Variants in MCC observed in about 807,000 individuals in gnomAD.
MCC encodes colorectal mutant cancer protein.
In MCC, 90 loss-of-function variants were observed where a neutral mutation model predicts 116.2. The observed-to-expected ratio is 0.77, with a 90% confidence interval of 0.65 to 0.92. The LOEUF (loss-of-function observed/expected upper bound fraction) is 0.92, where lower values mean the gene tolerates loss of function less well. Ranked by LOEUF, MCC falls within the 40% of genes least tolerant of loss-of-function variation. The probability of loss-of-function intolerance (pLI) is 0.00; values close to 1 mark genes in which losing one functional copy is unlikely to be tolerated. For missense variants in MCC, 1,516 were observed against 1,312.2 expected, an observed-to-expected ratio of 1.16 and a Z score of -2.40; for synonymous variants, 578 against 510.5, an observed-to-expected ratio of 1.13 and a Z score of -1.78.
At chr5:113,084,064 C>G in intron 10 of MCC, 37 bp downstream of exon 10, 1 of 1,516,608 alleles carries the variant, frequency 6.6e-7, no homozygotes, top group Non-Finnish European at 9.2e-7. Context: ...GTAGCTCTGC[C>G]GGGTACTTTC....
At chr5:113,152,259 G>A (rs1437645298) in intron 3 of MCC, among the ~76,000 whole-genome samples, 1 of 152,150 alleles carries the variant, frequency 6.6e-6, no homozygotes, top group Non-Finnish European at 1.5e-5. Context: ...GACTTTGGCT[G>A]CACACACACC....
chr5:113,298,463 G>A (rs1303012603), intron 3 of MCC, among the ~76,000 whole-genome samples: 4 of 152,224 alleles, frequency 2.6e-5, no homozygotes, highest in Non-Finnish European at 5.9e-5. Context: ...GAAACTGGGG[G>A]TAGTGACCAT....
chr5:113,164,980 G>A (rs1000355077), intron 3 of MCC, among the ~76,000 whole-genome samples: 4 of 152,190 alleles, frequency 2.6e-5, no homozygotes, highest in Non-Finnish European at 5.9e-5. Context: ...CCAAAAAGGC[G>A]CTGTTCTACC....
At chr5:113,333,975 ACTTT>A (rs1292404079) in intron 3 of MCC, among the ~76,000 whole-genome samples, 7 of 143,512 alleles carry the variant, frequency 4.9e-5, no homozygotes, top group Non-Finnish European at 9.0e-5. Flanking sequence ...CTTTTCATCA[ACTTT>A]CTGTTATGCA....
chr5:113,406,516 C>A (rs539514132), intron 1 of MCC, among the ~76,000 whole-genome samples: 1 of 152,166 alleles, frequency 6.6e-6, no homozygotes, highest in Non-Finnish European at 1.5e-5. Flanking sequence ...TCCTGGTCCT[C>A]TGCCCTCTCC....
intron 17 of MCC, among the ~76,000 whole-genome samples, chr5:113,033,142 G>C (rs982737102): frequency 6.6e-6 from 1 of 152,154 alleles, no homozygotes; most frequent in African/African-American, 2.4e-5. Flanking sequence ...GGTCTGGATC[G>C]GTAATATTTT....
chr5:113,083,496 C>G (rs1316158970), intron 10 of MCC, among the ~76,000 whole-genome samples: 1 of 152,198 alleles, frequency 6.6e-6, no homozygotes, highest in Non-Finnish European at 1.5e-5. Context: ...GCTATTCAGG[C>G]TCTCTCTGCC....
At chr5:113,474,424 G>A (rs543791224) in intron 1 of MCC, among the ~76,000 whole-genome samples, 3 of 152,318 alleles carry the variant, frequency 2.0e-5, no homozygotes, top group East Asian at 1.9e-4. Flanking sequence ...GCACAGCACC[G>A]ATGCTTGGAG....
intron 3 of MCC, among the ~76,000 whole-genome samples, chr5:113,275,996 G>A (rs1765811115): frequency 6.9e-6 from 1 of 144,966 alleles, no homozygotes; most frequent in African/African-American, 2.6e-5. Context: ...TTTTAAGCAG[G>A]CCAACCCCAA....
At chr5:113,317,906 C>T (rs1345635412) in intron 3 of MCC, among the ~76,000 whole-genome samples, 3 of 152,108 alleles carry the variant, frequency 2.0e-5, no homozygotes, top group Non-Finnish European at 4.4e-5. Context: ...TAATTACAGC[C>T]GTCATAATTA....
intron 3 of MCC, among the ~76,000 whole-genome samples, chr5:113,327,834 A>C (rs1180162162): frequency 6.6e-6 from 1 of 151,264 alleles, no homozygotes; most frequent in Admixed American, 6.6e-5. Flanking sequence ...AAGCACAATT[A>C]CTTTTGCACC....
intron 8 of MCC, among the ~76,000 whole-genome samples, chr5:113,092,577 C>G (rs1241827553): frequency 1.3e-5 from 2 of 152,100 alleles, no homozygotes. Context: ...AAATAAAGAC[C>G]CTCTCAAAGA....
At chr5:113,061,470 C>G (rs1753213264) in intron 14 of MCC, among the ~76,000 whole-genome samples, 1 of 152,180 alleles carries the variant, frequency 6.6e-6, no homozygotes, top group Admixed American at 6.5e-5. Flanking sequence ...ATAAAGCCAT[C>G]CAGGCAATCA....
intron 3 of MCC, among the ~76,000 whole-genome samples, chr5:113,256,228 G>A (rs1344516948): frequency 6.6e-6 from 1 of 152,102 alleles, no homozygotes; most frequent in Non-Finnish European, 1.5e-5. Context: ...GGAGAGGTAG[G>A]TAACACCACT....
intron 3 of MCC, among the ~76,000 whole-genome samples, chr5:113,195,080 G>C (rs1377883292): frequency 6.6e-6 from 1 of 152,180 alleles, no homozygotes. Flanking sequence ...CCAGTGCACA[G>C]TGTGGACTAA....
intron 14 of MCC, among the ~76,000 whole-genome samples, chr5:113,056,957 CAG>C (rs1007442369): frequency 6.6e-6 from 1 of 152,068 alleles, no homozygotes; most frequent in African/African-American, 2.4e-5. Context: ...GTGGGGAATG[CAG>C]AGTGGGCATG....
intron 1 of MCC, among the ~76,000 whole-genome samples, chr5:113,487,036 C>T (rs1305114072): frequency 2.6e-5 from 4 of 151,950 alleles, no homozygotes; most frequent in Non-Finnish European, 4.4e-5. Context: ...TTTTCATTTC[C>T]GAACAGAATT....
intron 1 of MCC, among the ~76,000 whole-genome samples, chr5:113,470,809 A>C (rs1772065951): frequency 6.6e-6 from 1 of 151,798 alleles, no homozygotes; most frequent in African/African-American, 2.4e-5. Context: ...TGTCACTTTC[A>C]GGTATACCAA....
At chr5:113,128,519 T>C (rs1016287465) in intron 5 of MCC, among the ~76,000 whole-genome samples, 1 of 152,268 alleles carries the variant, frequency 6.6e-6, no homozygotes, top group Admixed American at 6.5e-5. Context: ...GTCCTCGTTC[T>C]TTCTTCAATA....
Sources: gnomAD v4.1 joint callset for allele counts (sites outside exome capture counted in the v4.1 genomes callset) on GRCh38, gnomAD v4.1.1 for gene constraint, MANE v1.5 for transcripts, NCBI Gene and HGNC (gene_info 2026-07-23, HGNC 2026-07-21) for gene names.